The following PLEKHA6 variants were observed in gnomAD, a reference collection of about 807,000 sequenced individuals.
The protein encoded by PLEKHA6 is pleckstrin homology domain-containing family A member 6.
A neutral mutation model predicts 116.7 loss-of-function variants in PLEKHA6; 60 were observed. The observed-to-expected ratio is 0.51, with a 90% CI of 0.42 to 0.64. PLEKHA6 has a LOEUF of 0.64. PLEKHA6 is among the 30% of genes least tolerant of loss of function. The probability of loss-of-function intolerance (pLI) is 0.00; values close to 1 mark genes in which losing one functional copy is unlikely to be tolerated. For synonymous variants in PLEKHA6, 489 were observed against 556.1 expected (o/e 0.88, Z 1.70); for missense variants, 1,338 against 1,422.7 (o/e 0.94, Z 0.96).
At chr1:204,356,341 C>T (rs1008517947) in intron 1 of PLEKHA6, among the ~76,000 whole-genome samples, 27 of 152,162 alleles carry the variant, frequency 1.8e-4, no homozygotes, top group Non-Finnish European at 3.4e-4. Flanking sequence ...GGGAGGCCGA[C>T]GTGGGTGGAT....
chr1:204,246,393 C>T (rs374021955), intron 13 of PLEKHA6, among the ~76,000 whole-genome samples: 1 of 152,102 alleles, frequency 6.6e-6, no homozygotes, highest in Non-Finnish European at 1.5e-5. Flanking sequence ...CTATTTGGAC[C>T]CGAAGTTAGC....
Position 204,261,422 on chromosome 1 carries a change from G to A in PLEKHA6, c.408C>T (p.Tyr136=), listed in dbSNP as rs753529670. The A allele has an allele frequency of 3.7e-6, 6 of 1,613,592 alleles. 1 individual carries two copies. In the South Asian group the frequency reaches 5.5e-5, roughly 15 times the overall value. The part of the protein sequence containing the change: ...FKAEHAGVRT[Y]FFSAESPEEQ... Reference sequence around the variant, plus strand: ...CCTCGGGGCTCTCGGCACTGAAGAAGTAGGTGCGGACCCCGGCATGCTCAG... The same window carrying A: ...CCTCGGGGCTCTCGGCACTGAAGAAATAGGTGCGGACCCCGGCATGCTCAG... Residue 136 remains tyrosine, a synonymous_variant, in exon 7 of 23, where the codon TAC becomes TAT. Transcript: ENST00000272203. The surrounding 1 kb of genome is among the most constrained non-coding windows in gnomAD (Gnocchi z 4.0).
At chr1:204,375,733 C>T (rs1368011065) in intron 1 of PLEKHA6, among the ~76,000 whole-genome samples, 3 of 151,836 alleles carry the variant, frequency 2.0e-5, no homozygotes, top group South Asian at 2.1e-4. Context: ...GATGGAGTCC[C>T]GACCCCTTAG....
intron 21 of PLEKHA6, among the ~76,000 whole-genome samples, chr1:204,227,879 T>A (rs7527115): frequency 0.52 from 78,441 of 152,056 alleles, 20,882 homozygotes; most frequent in African/African-American, 0.66. Context: ...AGCTCCTGGA[T>A]GCAGCAACTC....
chr1:204,350,310 G>A (rs746271380), intron 1 of PLEKHA6, among the ~76,000 whole-genome samples: 7 of 152,226 alleles, frequency 4.6e-5, no homozygotes, highest in Non-Finnish European at 1.0e-4. Flanking sequence ...GACAGAGTAA[G>A]ACCGTGTCTC....
At chr1:204,305,391 T>C (rs7534537) in intron 1 of PLEKHA6, among the ~76,000 whole-genome samples, 8,170 of 152,264 alleles carry the variant, frequency 0.054, 350 homozygotes, top group African/African-American at 0.13. Flanking sequence ...TGACTAACCA[T>C]AGCAGCATCT....
chr1:204,311,713 G>T, intron 1 of PLEKHA6: 1 of 924,096 alleles, frequency 1.1e-6, no homozygotes, highest in Non-Finnish European at 1.3e-6. Flanking sequence ...TTTATTGAAT[G>T]AAATTGAATA....
At chr1:204,235,873 G>A (rs1023229743) in intron 17 of PLEKHA6, among the ~76,000 whole-genome samples, 6 of 152,166 alleles carry the variant, frequency 3.9e-5, no homozygotes, top group Admixed American at 1.3e-4. Flanking sequence ...ACCCTGTGCT[G>A]CCAGAGGCAA....
intron 12 of PLEKHA6, among the ~76,000 whole-genome samples, chr1:204,248,443 T>C (rs1664083519): frequency 6.6e-6 from 1 of 152,148 alleles, no homozygotes; most frequent in African/African-American, 2.4e-5. Context: ...CGTGAGCCAC[T>C]GAGGCCAGCT....
At chr1:204,309,812 A>C in intron 1 of PLEKHA6, 1 of 453,022 alleles carries the variant, frequency 2.2e-6, no homozygotes, top group Non-Finnish European at 2.9e-6. Flanking sequence ...CAAACTTTTT[A>C]TGTAAAGGGT....
intron 9 of PLEKHA6, among the ~76,000 whole-genome samples, chr1:204,255,337 G>GC (rs1377155348): frequency 6.6e-6 from 1 of 152,140 alleles, no homozygotes; most frequent in Non-Finnish European, 1.5e-5. Context: ...ATTCCCACCT[G>GC]CCCCCTGGGG....
intron 1 of PLEKHA6, among the ~76,000 whole-genome samples, chr1:204,346,259 A>T (rs912392188): frequency 6.6e-6 from 1 of 152,166 alleles, no homozygotes. Flanking sequence ...AGATTTCTGC[A>T]CTGTCTGACA....
intron 1 of PLEKHA6, among the ~76,000 whole-genome samples, chr1:204,321,866 C>G (rs868303873): frequency 2.6e-5 from 4 of 152,238 alleles, no homozygotes; most frequent in Non-Finnish European, 4.4e-5. Flanking sequence ...GTGCTTAAGG[C>G]AGTGCAGGCC....
chr1:204,220,659 GA>G lies in PLEKHA6; in HGVS notation c.*2128del. The G allele has an allele frequency of 6.5e-6, 1 of 152,672 alleles. No individual in the cohort carries two copies. The highest frequency in any genetic ancestry group is 3.4e-3 in the Middle Eastern group (1 of 294). 9.5% of individuals were successfully genotyped at this position (152,672 alleles called of 1,614,324 possible). On this transcript the variant is annotated 3_prime_UTR_variant, in exon 23 of 23. Transcript: ENST00000272203. ...GTCTTGATATGCTAGGAATGATGTGGAAAATAAGGGAGAGAAAAACAGGCCT... is the reference window on the plus strand; with the variant it reads ...GTCTTGATATGCTAGGAATGATGTGGAAATAAGGGAGAGAAAAACAGGCCT...
chr1:204,273,043 C>T (rs1336063728), intron 3 of PLEKHA6, among the ~76,000 whole-genome samples: 1 of 152,174 alleles, frequency 6.6e-6, no homozygotes, highest in Non-Finnish European at 1.5e-5. Flanking sequence ...TCCCCTGTGA[C>T]CACATTGCTG....
At chr1:204,349,757 T>C (rs935795225) in intron 1 of PLEKHA6, among the ~76,000 whole-genome samples, 1 of 151,948 alleles carries the variant, frequency 6.6e-6, no homozygotes, top group Non-Finnish European at 1.5e-5. Flanking sequence ...ATGCCCCAGG[T>C]GATGGCACCT....
chr1:204,308,997 G>A, intron 1 of PLEKHA6: 3 of 789,904 alleles, frequency 3.8e-6, no homozygotes, highest in Non-Finnish European at 4.6e-6. Flanking sequence ...CCTCAAGAAG[G>A]TAATTCTAAA....
intron 1 of PLEKHA6, among the ~76,000 whole-genome samples, chr1:204,278,775 A>G (rs557185295): frequency 6.6e-6 from 1 of 152,234 alleles, no homozygotes; most frequent in South Asian, 2.1e-4. Flanking sequence ...CCTGTCCCTA[A>G]TCCAGTTTCT....
rs747701513 is a variant in PLEKHA6 at position 204,247,449 on chromosome 1, G to T, written c.1836C>A (p.Asn612Lys). Residue 612 changes from asparagine to lysine, a missense_variant, in exon 13 of 23, where the codon AAC (asparagine) becomes AAA (lysine). Around this residue, in one of 3 missense-constraint regions of PLEKHA6, gnomAD observed 1,136 missense variants for 1,163.6 expected, o/e 0.98. Coordinates refer to ENST00000272203, the MANE Select transcript of PLEKHA6 (RefSeq NM_014935.5). ...CGAGGTGCTCATACTCTATGGTGCT[G>T]TTTGTCAGGGCCTACGGGGGAAAGA... Reference protein sequence around the residue: ...ELSQATTALTNSTIEYEHLES... With the variant: ...ELSQATTALTKSTIEYEHLES... 6.2e-7 allele frequency: 1 copy of T among 1,610,760 alleles called. No homozygotes were observed.
Sources: allele counts gnomAD v4.1 joint callset (sites outside exome capture counted in the v4.1 genomes callset), GRCh38; gene constraint gnomAD v4.1.1; regional missense constraint gnomAD v4.1.1; non-coding constraint Gnocchi (gnomAD v3.1); transcripts MANE v1.5; gene names NCBI Gene and HGNC (gene_info 2026-07-23, HGNC 2026-07-21).